The following ELOVL7 variants were observed in gnomAD, a reference collection of about 807,000 sequenced individuals.
ELOVL7 encodes the protein ELOVL fatty acid elongase 7, also known as very long chain fatty acid elongase 7.
A neutral mutation model predicts 35.7 loss-of-function variants in ELOVL7; 27 were observed. The observed-to-expected ratio is 0.76, with a 90% CI of 0.56 to 1.04. The LOEUF is 1.04. Ranked by LOEUF, ELOVL7 falls within the 50% of genes least tolerant of loss-of-function variation. The pLI is 0.00. For synonymous variants in ELOVL7, 113 were observed against 114.6 expected (o/e 0.99, Z 0.09); for missense variants, 327 against 340.8 (o/e 0.96, Z 0.32).
intron 2 of ELOVL7, among the ~76,000 whole-genome samples, chr5:60,795,850 G>C (rs1744226123): frequency 1.3e-5 from 2 of 149,286 alleles, no homozygotes; most frequent in Middle Eastern, 6.9e-3. Flanking sequence ...TTCTAAAAGA[G>C]CTGTAACACT....
At chr5:60,831,690 A>T (rs73759427) in intron 1 of ELOVL7, among the ~76,000 whole-genome samples, 2,996 of 152,352 alleles carry the variant, frequency 0.02, 119 homozygotes, top group African/African-American at 0.068. Flanking sequence ...AGTATTATCC[A>T]TAAAGCGATT....
chr5:60,770,874 A>AT (rs988354756), intron 4 of ELOVL7, among the ~76,000 whole-genome samples: 53 of 151,952 alleles, frequency 3.5e-4, no homozygotes, highest in African/African-American at 1.2e-3. Context: ...ATTTTTTTGT[A>AT]TTTTTTGTAG....
chr5:60,795,131 C>A (rs1460423888), intron 2 of ELOVL7, among the ~76,000 whole-genome samples: 1 of 152,158 alleles, frequency 6.6e-6, no homozygotes, highest in Non-Finnish European at 1.5e-5. Flanking sequence ...AGGCAGCTAA[C>A]TGTGACTGAT....
In ELOVL7 at chr5:60,752,637, CT is replaced by C. The variant is rs1741332618; in HGVS notation, c.*1986del. On this transcript the variant is annotated 3_prime_UTR_variant, in exon 9 of 9. Coordinates refer to ENST00000508821, the MANE Select transcript of ELOVL7 (RefSeq NM_024930.3). Reference sequence around the variant, plus strand: ...TTTCATTTAGCTGTGCTCTTTTGTCCTTCATTCTTTATTTTCTAAAAATATA... The same window carrying C: ...TTTCATTTAGCTGTGCTCTTTTGTCCTCATTCTTTATTTTCTAAAAATATA... 6.6e-6 allele frequency: 1 copy of C among 152,514 alleles called. No homozygotes were observed. Among genetic ancestry groups the C allele is most frequent in the Non-Finnish European group, 1.5e-5 (1 of 68,024 alleles). The allele number at this position is 152,514 out of a possible 1,614,324, so 9.4% of individuals were successfully genotyped here. A position where few individuals can be genotyped will look rare whatever the true frequency, so the allele number is the denominator to read the frequency against.
chr5:60,801,249 T>A (rs551162147), intron 1 of ELOVL7, among the ~76,000 whole-genome samples: 2 of 152,260 alleles, frequency 1.3e-5, no homozygotes, highest in South Asian at 4.1e-4. Flanking sequence ...AATCTCGGAT[T>A]TTGGTACAGG....
At chr5:60,799,676 A>G (rs1320744654) in intron 1 of ELOVL7, among the ~76,000 whole-genome samples, 1 of 152,244 alleles carries the variant, frequency 6.6e-6, no homozygotes, top group African/African-American at 2.4e-5. Flanking sequence ...TCAGTAATCA[A>G]AAACCTCCCA....
intron 2 of ELOVL7, among the ~76,000 whole-genome samples, chr5:60,792,682 T>TA (rs1039007447): frequency 1.3e-5 from 2 of 151,872 alleles, no homozygotes; most frequent in African/African-American, 4.8e-5. Context: ...ACCCCATCTC[T>TA]AAAAAAAATT....
At chr5:60,804,358 G>A (rs1454779648) in intron 1 of ELOVL7, among the ~76,000 whole-genome samples, 1 of 152,154 alleles carries the variant, frequency 6.6e-6, no homozygotes, top group Non-Finnish European at 1.5e-5. Context: ...TTAGAAAAGA[G>A]TCAGAGAATC....
intron 8 of ELOVL7, 97 bp downstream of exon 8, chr5:60,757,412 T>G: frequency 7.8e-7 from 1 of 1,285,450 alleles, no homozygotes; most frequent in Non-Finnish European, 1.1e-6. Context: ...CCTATTGTTT[T>G]GTCTTTCTTC....
intron 3 of ELOVL7, among the ~76,000 whole-genome samples, chr5:60,781,442 T>G (rs915688466): frequency 6.6e-6 from 1 of 151,964 alleles, no homozygotes; most frequent in African/African-American, 2.4e-5. Context: ...TTTTATTCTT[T>G]CATTGACTCA....
At chr5:60,816,833 T>C (rs1394560506) in intron 1 of ELOVL7, among the ~76,000 whole-genome samples, 1 of 152,194 alleles carries the variant, frequency 6.6e-6, no homozygotes, top group Non-Finnish European at 1.5e-5. Flanking sequence ...TTGAAATCCA[T>C]ATCTCATATT....
chr5:60,834,387 C>T (rs369059400), intron 1 of ELOVL7, among the ~76,000 whole-genome samples: 2 of 152,190 alleles, frequency 1.3e-5, no homozygotes, highest in East Asian at 1.9e-4. Context: ...CCTTGTGATC[C>T]GCCCGCCTCG....
At chr5:60,827,214 T>G (rs1442143856) in intron 1 of ELOVL7, among the ~76,000 whole-genome samples, 1 of 152,212 alleles carries the variant, frequency 6.6e-6, no homozygotes, top group African/African-American at 2.4e-5. Flanking sequence ...GCTAAAAATA[T>G]CATTACTTAA....
chr5:60,793,647 G>A (rs1487919853), intron 2 of ELOVL7, among the ~76,000 whole-genome samples: 1 of 152,150 alleles, frequency 6.6e-6, no homozygotes. Flanking sequence ...AGCAGCAGAG[G>A]ACAGAAGCAA....
At chr5:60,814,462 G>C (rs903500532) in intron 1 of ELOVL7, among the ~76,000 whole-genome samples, 2 of 152,086 alleles carry the variant, frequency 1.3e-5, no homozygotes, top group Admixed American at 1.3e-4. Context: ...ACCAACTATT[G>C]TCTCTACTTC....
chr5:60,752,238 A>T lies in ELOVL7; in HGVS notation c.*2386T>A, dbSNP rs1741317747. On this transcript the variant is annotated 3_prime_UTR_variant, in exon 9 of 9. Coordinates refer to ENST00000508821, the MANE Select transcript of ELOVL7 (RefSeq NM_024930.3). The stretch of plus-strand genomic sequence containing the variant: ...GATCCACAATCATGTTGATGTTTCT[A>T]TGGAGGATACTTCTAGCAGCTGTGA... The T allele has an allele frequency of 6.6e-6, 1 of 152,508 alleles. No individual in the cohort carries two copies. The highest frequency in any genetic ancestry group is 6.5e-5 in the Admixed American group (1 of 15,280). 9.4% of individuals were successfully genotyped at this position (152,508 alleles called of 1,614,324 possible). A position where few individuals can be genotyped will look rare whatever the true frequency, so the allele number is the denominator to read the frequency against.
chr5:60,798,035 G>A (rs959074385), intron 2 of ELOVL7, among the ~76,000 whole-genome samples: 9 of 152,144 alleles, frequency 5.9e-5, no homozygotes, highest in African/African-American at 2.2e-4. Context: ...TTTGCTTTGA[G>A]TTGTCCCGCG....
At chr5:60,769,883 CTACAAAAAA>C (rs1399985882) in intron 4 of ELOVL7, among the ~76,000 whole-genome samples, 6 of 152,068 alleles carry the variant, frequency 3.9e-5, no homozygotes, top group East Asian at 1.9e-4. Flanking sequence ...AACACCATCT[CTACAAAAAA>C]TACAAAAAAT....
intron 4 of ELOVL7, chr5:60,768,670 G>A (rs1479247081): frequency 4.4e-6 from 2 of 455,818 alleles, no homozygotes; most frequent in South Asian, 1.6e-5. Flanking sequence ...ATGGTGGGAA[G>A]GTCTTCTTTT....
Sources: allele counts gnomAD v4.1 joint callset (sites outside exome capture counted in the v4.1 genomes callset), GRCh38; gene constraint gnomAD v4.1.1; transcripts MANE v1.5; gene names NCBI Gene and HGNC (gene_info 2026-07-23, HGNC 2026-07-21).